The following JAK2 variants were observed in gnomAD, a reference collection of about 807,000 sequenced individuals.
JAK2 encodes the protein Janus kinase 2, also known as tyrosine-protein kinase JAK2.
A neutral mutation model predicts 139.3 loss-of-function variants in JAK2; 86 were observed. The ratio of observed to expected loss-of-function variants is 0.62; its 90% CI spans 0.52 to 0.74. JAK2 has a LOEUF of 0.74. Among genes scored for constraint, JAK2 ranks in the 30% least tolerant of loss-of-function variants. The probability of loss-of-function intolerance (pLI) is 0.00; values close to 1 mark genes in which losing one functional copy is unlikely to be tolerated. For synonymous variants in JAK2, 490 were observed against 437.7 expected (o/e 1.12, Z -1.49); for missense variants, 1,421 against 1,360.3 (o/e 1.04, Z -0.70).
At chr9:5,042,159 C>G (rs550584263) in intron 4 of JAK2, among the ~76,000 whole-genome samples, 1 of 124,258 alleles carries the variant, frequency 8.0e-6, no homozygotes, top group African/African-American at 3.1e-5. Context: ...GAGACGGAGT[C>G]TCGCTTTGTC....
Position 5,126,451 on chromosome 9 carries a change from C to CA in JAK2, c.3291+7dup. The CA allele has an allele frequency of 6.3e-7, 1 of 1,576,904 alleles. No individual in the cohort carries two copies. The highest frequency in any genetic ancestry group is 2.2e-5 in the East Asian group (1 of 44,516). ...CCAGATGGATGCCCAGATGAGGTAA[C>CA]AATTTTTTTTTAATCCAGGGTAGTC... On this transcript the variant is annotated splice_donor_region_variant and intron_variant, in intron 24 of 24. Coordinates refer to ENST00000381652, the MANE Select transcript of JAK2 (RefSeq NM_004972.4).
intron 2 of JAK2, among the ~76,000 whole-genome samples, chr9:4,991,415 G>T (rs937182205): frequency 6.6e-6 from 1 of 152,100 alleles, no homozygotes; most frequent in Non-Finnish European, 1.5e-5. Context: ...GAAATAAAAT[G>T]CTATTAGGTA....
intron 19 of JAK2, among the ~76,000 whole-genome samples, chr9:5,084,665 ATATACT>A (rs1190673082): frequency 2.6e-5 from 4 of 152,226 alleles, no homozygotes; most frequent in African/African-American, 9.6e-5. Context: ...TCATGCCCAC[ATATACT>A]TATATTCTTT....
chr9:4,986,695 A>T (rs61152864), intron 2 of JAK2, among the ~76,000 whole-genome samples: 5,091 of 152,188 alleles, frequency 0.033, 224 homozygotes, highest in African/African-American at 0.1. Context: ...GATTTTTTTT[A>T]AAAATTTTGG....
chr9:5,119,671 C>T (rs114216816), intron 22 of JAK2, among the ~76,000 whole-genome samples: 72 of 152,142 alleles, frequency 4.7e-4, no homozygotes, highest in African/African-American at 1.7e-3. Context: ...ATGGTCATTC[C>T]TTCAGTAAAT....
At chr9:5,115,591 A>C (rs140197847) in intron 22 of JAK2, among the ~76,000 whole-genome samples, 1 of 151,908 alleles carries the variant, frequency 6.6e-6, no homozygotes. Context: ...AAATCATTCT[A>C]CTATAAAGAC....
Position 5,078,429 on chromosome 9 carries a change from G to A in JAK2, c.2116G>A (p.Val706Ile). Residue 706 changes from valine (V) to isoleucine (I), a missense_variant, in exon 16 of 25, where the codon GTT becomes ATT. Physicochemically the swap from Val to Ile is conservative, Grantham distance 29. Transcript: ENST00000381652. ...TAGTGATCCTGGCATTAGTATTACA[G>A]TTTTGCCAAAGGACAGTAAGTTCTA... Reference protein sequence around the residue: ...KLSDPGISITVLPKDILQERI... With the variant: ...KLSDPGISITILPKDILQERI... 6.2e-7 allele frequency: 1 copy of A among 1,612,678 alleles called. No individual in the cohort carries two copies. The highest frequency in any genetic ancestry group is 1.1e-5 in the South Asian group (1 of 90,938).
intron 6 of JAK2, among the ~76,000 whole-genome samples, chr9:5,051,821 G>T (rs1049112484): frequency 2.0e-5 from 3 of 152,002 alleles, no homozygotes; most frequent in African/African-American, 7.2e-5. Context: ...TACCCAATTT[G>T]CAGAGTATCA....
intron 4 of JAK2, among the ~76,000 whole-genome samples, chr9:5,038,022 G>A (rs1816194778): frequency 6.6e-6 from 1 of 152,156 alleles, no homozygotes; most frequent in Non-Finnish European, 1.5e-5. Context: ...GAACGAGATT[G>A]CTTGCTTTAG....
intron 18 of JAK2, among the ~76,000 whole-genome samples, chr9:5,080,892 CTTTTTTTT>C (rs33925764): frequency 1.0e-5 from 1 of 95,616 alleles, no homozygotes; most frequent in Non-Finnish European, 1.9e-5. Flanking sequence ...AAGACCTTTT[CTTTTTTTT>C]TTTTTTTTTT....
At position 5,010,010 on chromosome 9, in the gene JAK2, G is replaced by A. The variant is rs556924647; in HGVS notation, c.-25-11953G>A. On this transcript the variant is annotated intron_variant, in intron 2 of 24. Transcript: ENST00000381652. The stretch of plus-strand genomic sequence containing the variant: ...CTAGTCTTGAGCTCCAGGCTCAAAC[G>A]ATCCTCTCGCCTTGGACTTCCAAAT... Among the ~76,000 whole-genome samples, 3 of 152,264 alleles carry A rather than the reference G, an allele frequency of 2.0e-5. No homozygotes were observed. The East Asian group carries it at 5.8e-4, about 29-fold the overall frequency.
chr9:5,020,028 G>C (rs1252023304), intron 2 of JAK2, among the ~76,000 whole-genome samples: 1 of 152,182 alleles, frequency 6.6e-6, no homozygotes, highest in East Asian at 1.9e-4. Flanking sequence ...CAGGTGACTT[G>C]TTTGGGTACC....
chr9:5,111,165 C>T (rs1285427010), intron 22 of JAK2: 4 of 763,150 alleles, frequency 5.2e-6, no homozygotes, highest in East Asian at 6.6e-5. Flanking sequence ...CTGAGTCGCA[C>T]GGCAGCCACT....
intron 2 of JAK2, 111 bp from the exon 3 acceptor site, chr9:5,021,852 C>G: frequency 1.6e-6 from 1 of 623,322 alleles, no homozygotes; most frequent in South Asian, 2.0e-5. Flanking sequence ...AGGCTTGTCT[C>G]CAACTTCTGG....
intron 2 of JAK2, among the ~76,000 whole-genome samples, chr9:4,993,322 T>A (rs1486328970): frequency 6.6e-6 from 1 of 152,176 alleles, no homozygotes; most frequent in Non-Finnish European, 1.5e-5. Context: ...CTAGATTGGA[T>A]CTTTGCTCTG....
intron 14 of JAK2, among the ~76,000 whole-genome samples, chr9:5,075,506 ACTC>A (rs1819250755): frequency 6.6e-6 from 1 of 152,080 alleles, no homozygotes; most frequent in Admixed American, 6.5e-5. Flanking sequence ...TGCTAAGTCT[ACTC>A]TGCCTGTGCT....
intron 14 of JAK2, among the ~76,000 whole-genome samples, chr9:5,074,619 G>C (rs1333452238): frequency 2.6e-5 from 4 of 152,162 alleles, no homozygotes; most frequent in Non-Finnish European, 5.9e-5. Context: ...CCATTCCTCT[G>C]TCTCTCTCCC....
chr9:5,085,613 C>A, intron 19 of JAK2: 1 of 701,750 alleles, frequency 1.4e-6, no homozygotes. Context: ...AGAATTAAAT[C>A]TCCAGCAAGG....
chr9:5,121,262 A>C (rs1464559219), intron 22 of JAK2, among the ~76,000 whole-genome samples: 1 of 152,176 alleles, frequency 6.6e-6, no homozygotes, highest in Non-Finnish European at 1.5e-5. Context: ...GAGATTTGCA[A>C]AGACAGAAGG....
Sources: allele counts gnomAD v4.1 joint callset (sites outside exome capture counted in the v4.1 genomes callset), GRCh38; gene constraint gnomAD v4.1.1; transcripts MANE v1.5; gene names NCBI Gene and HGNC (gene_info 2026-07-23, HGNC 2026-07-21).